C1orf159: variants seen among roughly 807,000 people sequenced by gnomAD.
C1orf159 encodes chromosome 1 open reading frame 159.
Under a neutral mutation model 25.6 loss-of-function variants are expected in C1orf159, and 19 were observed. That is an observed-to-expected ratio of 0.74 (90% CI 0.52 to 1.09). The LOEUF is 1.09. Ranked by LOEUF, C1orf159 falls within the 50% of genes least tolerant of loss-of-function variation. C1orf159 has a pLI of 0.00. For missense variants in C1orf159, 274 were observed against 290.6 expected (o/e 0.94, Z 0.42); for synonymous variants, 139 against 124.7 (o/e 1.12, Z -0.77).
At chr1:1,091,115 C>T (rs1253111660) in intron 3 of C1orf159, 1 of 711,008 alleles carries the variant, frequency 1.4e-6, no homozygotes, top group African/African-American at 1.8e-5. Context: ...CCCCACCCTC[C>T]ACCCGCTCCG....
intron 3 of C1orf159, chr1:1,090,707 A>G (rs1249600376): frequency 2.2e-5 from 16 of 734,990 alleles, no homozygotes. Context: ...CGGCACCCGC[A>G]GGCCATGGCA....
intron 1 of C1orf159, among the ~76,000 whole-genome samples, chr1:1,103,596 C>T (rs1183825605): frequency 6.7e-6 from 1 of 149,042 alleles, no homozygotes; most frequent in Non-Finnish European, 1.5e-5. Context: ...CTGCCAGAAA[C>T]GAGCGGCATC....
intron 1 of C1orf159, among the ~76,000 whole-genome samples, chr1:1,096,449 G>A (rs537650301): frequency 6.6e-6 from 1 of 151,798 alleles, no homozygotes; most frequent in Non-Finnish European, 1.5e-5. Context: ...ATTACACGTG[G>A]GAGCCACAGC....
rs200684331 is a variant in C1orf159 at position 1,084,337 on chromosome 1, C to T, written c.502+16G>A. The T allele has an allele frequency of 3.8e-5, 59 of 1,538,972 alleles. No individual in the cohort carries two copies. The highest frequency in any genetic ancestry group is 2.1e-4 in the African/African-American group (15 of 72,358). On this transcript the variant is annotated intron_variant, in intron 9 of 9. Coordinates refer to ENST00000421241, the MANE Select transcript of C1orf159 (RefSeq NM_017891.5). Reference sequence around the variant, plus strand: ...AGATGGGAAACCCCACAGGGGGATGCGACAGCTGCTGTTACCTGAGGACTG... The same window carrying T: ...AGATGGGAAACCCCACAGGGGGATGTGACAGCTGCTGTTACCTGAGGACTG...
chr1:1,110,964 C>A lies in C1orf159; in HGVS notation c.-136+5096G>T, dbSNP rs945927374. Among the ~76,000 whole-genome samples the A allele has an allele frequency of 6.6e-6, 1 of 152,234 alleles. No homozygotes were observed. The highest frequency in any genetic ancestry group is 1.5e-5 in the Non-Finnish European group (1 of 68,034). ...GCGGGCGCTGGAGCAGCCTGCGAGGCAATCTCCATGGATCACAGGCAGATT... is the reference window on the plus strand; with the variant it reads ...GCGGGCGCTGGAGCAGCCTGCGAGGAAATCTCCATGGATCACAGGCAGATT... On this transcript the variant is annotated intron_variant, in intron 1 of 9. Transcript: ENST00000421241. This position sits in a 1 kb window ranked among gnomAD's most constrained non-coding sequence, Gnocchi z 4.8.
At chr1:1,109,757 C>T (rs551667595) in intron 1 of C1orf159, among the ~76,000 whole-genome samples, 39 of 152,188 alleles carry the variant, frequency 2.6e-4, no homozygotes, top group Non-Finnish European at 3.8e-4. Context: ...ATGCATGTAA[C>T]GCAGGACCCA....
At chr1:1,085,120 G>A (rs1478885318) in intron 7 of C1orf159, 2 of 273,704 alleles carry the variant, frequency 7.3e-6, no homozygotes, top group Non-Finnish European at 7.6e-6. Flanking sequence ...GCTCCCGACT[G>A]GAGGCTGGGC....
intron 1 of C1orf159, among the ~76,000 whole-genome samples, chr1:1,107,227 G>A (rs1300123286): frequency 6.6e-6 from 1 of 152,288 alleles, no homozygotes; most frequent in Non-Finnish European, 1.5e-5. Context: ...GGGCTCCTGA[G>A]TCGGGTGAGG....
intron 1 of C1orf159, among the ~76,000 whole-genome samples, chr1:1,100,960 T>C (rs1002013429): frequency 1.3e-5 from 2 of 152,230 alleles, no homozygotes; most frequent in East Asian, 3.8e-4. Context: ...TTTTAATTTT[T>C]CCCCAGATAT....
chr1:1,104,437 A>G (rs11581598), intron 1 of C1orf159, among the ~76,000 whole-genome samples: 36,400 of 152,168 alleles, frequency 0.24, 5,885 homozygotes, highest in African/African-American at 0.46. Flanking sequence ...CACTCTCCAG[A>G]GCCCTCAGGG....
intron 4 of C1orf159, 47 bp downstream of exon 4, chr1:1,090,306 G>A (rs1385531281): frequency 6.5e-7 from 1 of 1,533,034 alleles, no homozygotes; most frequent in Admixed American, 2.0e-5. Context: ...ACACACACCA[G>A]TGGCTCAGGG....
chr1:1,102,020 G>A (rs943307553), intron 1 of C1orf159, among the ~76,000 whole-genome samples: 31 of 138,576 alleles, frequency 2.2e-4, no homozygotes, highest in African/African-American at 8.0e-4. Context: ...GCAGTGAGCC[G>A]AGATCGCACC....
At position 1,110,215 on chromosome 1, in the gene C1orf159, G is replaced by A. The variant is rs1277657841; in HGVS notation, c.-136+5845C>T. Reference sequence around the variant, plus strand: ...GTTGTGTCTAAACTGAAAAAGGGTGGCAGTATAACCAGGTGTGTCCAACCT... The same window carrying A: ...GTTGTGTCTAAACTGAAAAAGGGTGACAGTATAACCAGGTGTGTCCAACCT... On this transcript the variant is annotated intron_variant, in intron 1 of 9. Coordinates refer to ENST00000421241, the MANE Select transcript of C1orf159 (RefSeq NM_017891.5). This position sits in a 1 kb window ranked among gnomAD's most constrained non-coding sequence, Gnocchi z 4.8. Among the ~76,000 whole-genome samples, 1 of 152,144 alleles carries A rather than the reference G, an allele frequency of 6.6e-6. No homozygotes were observed. Among genetic ancestry groups the A allele is most frequent in the African/African-American group, 2.4e-5 (1 of 41,424 alleles).
chr1:1,113,189 C>G (rs1480994219), intron 1 of C1orf159, among the ~76,000 whole-genome samples: 1 of 135,586 alleles, frequency 7.4e-6, no homozygotes, highest in Admixed American at 7.2e-5. Flanking sequence ...GAGACAGACT[C>G]CATCTCAAAA....
At position 1,085,945 on chromosome 1, in the gene C1orf159, G is replaced by A. The variant is rs757249331; in HGVS notation, c.378C>T (p.Ser126=). The change falls in exon 7 of 10, where the codon TCC becomes TCT. Residue 126 remains serine (S), a synonymous_variant. Transcript: ENST00000421241. ...TFFISSGLIL[S]VAGFFYLKRS... is the part of the protein sequence containing the mutation. ...GCTTGAGGTAGAAGAACCCAGCTAC[G>A]GAGAGGATGAGGCCGGAGCTAATGA... The A allele has an allele frequency of 4.2e-5, 68 of 1,613,318 alleles. No individual in the cohort carries two copies. The highest frequency in any genetic ancestry group is 4.0e-5 in the African/African-American group (3 of 74,914).
chr1:1,099,459 T>C (rs1276905413), intron 1 of C1orf159, among the ~76,000 whole-genome samples: 5 of 139,988 alleles, frequency 3.6e-5, no homozygotes, highest in Non-Finnish European at 6.1e-5. Flanking sequence ...TTTTGGTCGA[T>C]TGTTCTAAGA....
At chr1:1,090,524 T>C in intron 3 of C1orf159, 96 bp from the exon 4 acceptor site, 2 of 1,274,590 alleles carry the variant, frequency 1.6e-6, no homozygotes, top group Non-Finnish European at 2.2e-6. Flanking sequence ...GGAGCACATC[T>C]CAATGTCCGC....
At chr1:1,090,971 T>C in intron 3 of C1orf159, 1 of 1,550,092 alleles carries the variant, frequency 6.5e-7, no homozygotes, top group South Asian at 1.2e-5. Context: ...ACAGCTGTGC[T>C]GTTTCTCGTG....
At chr1:1,101,782 A>T (rs1462494214) in intron 1 of C1orf159, among the ~76,000 whole-genome samples, 1 of 152,010 alleles carries the variant, frequency 6.6e-6, no homozygotes, top group Non-Finnish European at 1.5e-5. Context: ...AGTTTTTAAT[A>T]GTTTTAGGGC....
Sources: gnomAD v4.1 joint callset for allele counts (sites outside exome capture counted in the v4.1 genomes callset) on GRCh38, gnomAD v4.1.1 for gene constraint, Gnocchi (gnomAD v3.1) non-coding constraint, MANE v1.5 for transcripts, NCBI Gene and HGNC (gene_info 2026-07-23, HGNC 2026-07-21) for gene names.